The following VAV2 variants were observed in gnomAD, a reference collection of about 807,000 sequenced individuals.
The protein encoded by VAV2 is guanine nucleotide exchange factor VAV2.
VAV2 carries 67 observed loss-of-function variants against 132.5 expected under a neutral mutation model. The ratio of observed to expected loss-of-function variants is 0.51; its 90% CI spans 0.42 to 0.62. The LOEUF is 0.62. Ranked by LOEUF, VAV2 falls within the 20% of genes least tolerant of loss-of-function variation. VAV2 has a pLI of 0.00. For synonymous variants in VAV2, 492 were observed against 443.5 expected, an observed-to-expected ratio of 1.11 and a Z score of -1.37; for missense variants, 938 against 1,153.6, an observed-to-expected ratio of 0.81 and a Z score of 2.71.
intron 16 of VAV2, among the ~76,000 whole-genome samples, chr9:133,786,450 G>A (rs950398567): frequency 1.3e-5 from 2 of 152,206 alleles, no homozygotes; most frequent in Non-Finnish European, 2.9e-5. Flanking sequence ...GCCCATGTGC[G>A]AGGATGCTCC....
At position 133,991,259 on chromosome 9, in the gene VAV2, G is replaced by C. The variant is rs1180556774; in HGVS notation, c.204+816C>G. 2.0e-5 allele frequency among the ~76,000 whole-genome samples: 3 copies of C among 152,132 alleles called. No individual in the cohort carries two copies. The highest frequency in any genetic ancestry group is 4.8e-5 in the African/African-American group (2 of 41,414). ...CCCCGGAGAACAGGACGGAAGCCTCGATTCTCTCAAGTCTTAGCCAAGTTC... is the reference window on the plus strand; with the variant it reads ...CCCCGGAGAACAGGACGGAAGCCTCCATTCTCTCAAGTCTTAGCCAAGTTC... On this transcript the variant is annotated intron_variant, in intron 1 of 29. Transcript: ENST00000371850. This position sits in a 1 kb window ranked among gnomAD's most constrained non-coding sequence, Gnocchi z 4.8.
At chr9:133,849,997 T>A (rs1837102430) in intron 3 of VAV2, among the ~76,000 whole-genome samples, 1 of 152,120 alleles carries the variant, frequency 6.6e-6, no homozygotes, top group Non-Finnish European at 1.5e-5. Flanking sequence ...TACACCCCCT[T>A]CTCTCAGGCT....
At chr9:133,818,933 C>T (rs893428645) in intron 4 of VAV2, among the ~76,000 whole-genome samples, 2 of 151,964 alleles carry the variant, frequency 1.3e-5, no homozygotes, top group Admixed American at 6.6e-5. Context: ...TTCCTGGAGA[C>T]GGGGTTTCAC....
Position 133,806,178 on chromosome 9 carries a change from G to T in VAV2, c.739C>A (p.Leu247Met), listed in dbSNP as rs1258667667. The change falls in exon 9 of 30, where the codon CTG becomes ATG. Residue 247 changes from leucine (L) to methionine (M), a missense_variant. Coordinates refer to ENST00000371850, the MANE Select transcript of VAV2 (RefSeq NM_001134398.2). ...AGGAAGCTGTGATGCACCTTGATCA[G>T]GTCCTGGGTTGAAAACCAGCCGTGA... ...MAAVFINLED[L>M]IKVHHSFLRA... is the part of the protein sequence containing the mutation. The T allele has an allele frequency of 6.2e-7, 1 of 1,611,642 alleles. No homozygotes were observed. Among genetic ancestry groups the T allele is most frequent in the Non-Finnish European group, 8.5e-7 (1 of 1,179,512 alleles).
At chr9:133,797,638 T>G (rs919111601) in intron 10 of VAV2, 72 bp downstream of exon 10, 168 of 1,330,550 alleles carry the variant, frequency 1.3e-4, no homozygotes, top group Middle Eastern at 2.2e-4. Flanking sequence ...GAGAGGCTGG[T>G]ACCTAACGAG....
chr9:133,909,288 T>C (rs1056956144), intron 2 of VAV2, among the ~76,000 whole-genome samples: 3 of 152,120 alleles, frequency 2.0e-5, no homozygotes, highest in African/African-American at 7.2e-5. Context: ...CTCCCCCAAG[T>C]CCCTGGCCTG....
chr9:133,977,732 G>A (rs765519250), intron 1 of VAV2, among the ~76,000 whole-genome samples: 7 of 152,198 alleles, frequency 4.6e-5, no homozygotes, highest in Admixed American at 1.3e-4. Context: ...AGCCCCTGCC[G>A]GACGCCAACC....
At position 133,977,524 on chromosome 9, in the gene VAV2, G is replaced by T. The variant is rs77221761; in HGVS notation, c.204+14551C>A. 3.0e-3 allele frequency among the ~76,000 whole-genome samples: 455 copies of T among 152,322 alleles called. 19 individuals carry two copies. The East Asian group carries it at 0.075, about 25-fold the overall frequency. On this transcript the variant is annotated intron_variant, in intron 1 of 29. Transcript: ENST00000371850. The stretch of plus-strand genomic sequence containing the variant: ...TAGGCACCTTGTGCACCGGGGACAC[G>T]TGGCAATGGCCCTGGGGCCAGTCAC...
At chr9:133,870,961 T>G (rs1588293587) in intron 2 of VAV2, among the ~76,000 whole-genome samples, 3 of 9,122 alleles carry the variant, frequency 3.3e-4, no homozygotes, top group African/African-American at 4.3e-4. Flanking sequence ...GGTAGACGGG[T>G]GGGTGGGTGG....
At chr9:133,855,912 C>A (rs1392461725) in intron 3 of VAV2, among the ~76,000 whole-genome samples, 1 of 152,224 alleles carries the variant, frequency 6.6e-6, no homozygotes, top group East Asian at 1.9e-4. Flanking sequence ...GGCCAGAGTT[C>A]ATCACGTGAT....
chr9:133,920,081 C>G (rs1840240364), intron 2 of VAV2, among the ~76,000 whole-genome samples: 1 of 152,142 alleles, frequency 6.6e-6, no homozygotes, highest in Non-Finnish European at 1.5e-5. Context: ...CAGGTACTCC[C>G]TCTTACCGCA....
At chr9:133,987,800 T>G (rs1240146336) in intron 1 of VAV2, among the ~76,000 whole-genome samples, 1 of 152,226 alleles carries the variant, frequency 6.6e-6, no homozygotes, top group Admixed American at 6.5e-5. Flanking sequence ...CAGCAGATTG[T>G]GGCCATACCC....
intron 5 of VAV2, 60 bp downstream of exon 5, chr9:133,812,048 AGCAAGG>A: frequency 6.5e-7 from 1 of 1,535,498 alleles, no homozygotes; most frequent in Non-Finnish European, 9.0e-7. Context: ...TATTGTGTTA[AGCAAGG>A]GCCAGGCTGC....
At chr9:133,960,790 T>G (rs1250700950) in intron 1 of VAV2, among the ~76,000 whole-genome samples, 3 of 152,212 alleles carry the variant, frequency 2.0e-5, no homozygotes, top group Admixed American at 2.0e-4. Context: ...AGAGAGGAGC[T>G]GCAGCCTCCC....
chr9:133,844,099 G>T (rs530028432), intron 3 of VAV2, among the ~76,000 whole-genome samples: 1 of 152,202 alleles, frequency 6.6e-6, no homozygotes, highest in South Asian at 2.1e-4. Context: ...AGGAAGACAC[G>T]GATCTCACAG....
In VAV2 at chr9:133,768,363, T is replaced by C. The variant is rs1833503890; in HGVS notation, c.2589+79A>G. 1 of 1,547,678 alleles carries C rather than the reference T, an allele frequency of 6.5e-7. No individual in the cohort carries two copies. On this transcript the variant is annotated intron_variant, in intron 29 of 29. Transcript: ENST00000371850. This position sits in a 1 kb window ranked among gnomAD's most constrained non-coding sequence, Gnocchi z 5.3. Reference sequence around the variant, plus strand: ...AGGGCCTGGGGTGTGGACATAGGTGTGGTGCTAGTCTGCCTGAGCCCGACC... The same window carrying C: ...AGGGCCTGGGGTGTGGACATAGGTGCGGTGCTAGTCTGCCTGAGCCCGACC...
chr9:133,782,963 G>C (rs1315095058), intron 19 of VAV2, among the ~76,000 whole-genome samples: 2 of 152,184 alleles, frequency 1.3e-5, no homozygotes, highest in African/African-American at 4.8e-5. Context: ...CTGCCAGCCT[G>C]GCTCAATCCT....
chr9:133,903,837 G>A (rs987612053), intron 2 of VAV2, among the ~76,000 whole-genome samples: 4 of 152,156 alleles, frequency 2.6e-5, no homozygotes, highest in African/African-American at 9.7e-5. Flanking sequence ...AGAGGGCTCG[G>A]GGAGGCAGAG....
chr9:133,845,249 A>G (rs1024161274), intron 3 of VAV2, among the ~76,000 whole-genome samples: 4 of 152,244 alleles, frequency 2.6e-5, no homozygotes, highest in Non-Finnish European at 5.9e-5. Context: ...CCGGGGACTG[A>G]ATCCACGGGC....
Sources: allele counts gnomAD v4.1 joint callset (sites outside exome capture counted in the v4.1 genomes callset), GRCh38; gene constraint gnomAD v4.1.1; non-coding constraint Gnocchi (gnomAD v3.1); transcripts MANE v1.5; gene names NCBI Gene and HGNC (gene_info 2026-07-23, HGNC 2026-07-21).